The following C12orf42 variants were observed in gnomAD, a reference collection of about 807,000 sequenced individuals.
The protein encoded by C12orf42 is uncharacterized protein C12orf42.
C12orf42 carries 25 observed loss-of-function variants against 21.6 expected under a neutral mutation model. That is an observed-to-expected ratio of 1.16 (90% CI 0.84 to 1.62). C12orf42 has a LOEUF of 1.62. Ranked by LOEUF, C12orf42 falls within the 40% of genes most tolerant of loss-of-function variation. The probability of loss-of-function intolerance (pLI) is 0.00; values close to 1 mark genes in which losing one functional copy is unlikely to be tolerated. For synonymous variants in C12orf42, 174 were observed against 175.0 expected, an observed-to-expected ratio of 0.99 and a Z score of 0.05; for missense variants, 483 against 459.3, an observed-to-expected ratio of 1.05 and a Z score of -0.47.
the C12orf42 span, among the ~76,000 whole-genome samples, chr12:103,195,700 T>C: frequency 1.3e-5 from 2 of 152,152 alleles, no homozygotes; most frequent in Non-Finnish European, 2.9e-5. Context: ...CTGTCAGATG[T>C]ATGGTTTGCA....
the C12orf42 span, among the ~76,000 whole-genome samples, chr12:103,137,320 T>C: frequency 6.6e-6 from 1 of 150,684 alleles, no homozygotes. Flanking sequence ...CACAGCGAGA[T>C]ATCATCCCAT....
chr12:103,081,227 T>A, the C12orf42 span: 1 of 152,236 alleles, frequency 6.6e-6, no homozygotes, highest in Non-Finnish European at 1.5e-5. Context: ...CAAATGATAC[T>A]GATAGATGAA....
chr12:103,488,279 C>T (rs1954968095), intron 1 of C12orf42, among the ~76,000 whole-genome samples: 1 of 152,146 alleles, frequency 6.6e-6, no homozygotes, highest in Non-Finnish European at 1.5e-5. Context: ...AATATTGGCC[C>T]CCACTCTCTT....
the C12orf42 span, among the ~76,000 whole-genome samples, chr12:103,115,043 C>T: frequency 1.3e-5 from 2 of 152,224 alleles, no homozygotes; most frequent in Non-Finnish European, 2.9e-5. Context: ...CTGATAAAGT[C>T]TCAGAACTAA....
the C12orf42 span, among the ~76,000 whole-genome samples, chr12:103,207,515 C>T: frequency 1.3e-5 from 2 of 152,242 alleles, no homozygotes; most frequent in Non-Finnish European, 2.9e-5. Context: ...ACAGACATCA[C>T]TTCCAAGTTA....
At chr12:103,171,518 C>G in the C12orf42 span, among the ~76,000 whole-genome samples, 8 of 152,118 alleles carry the variant, frequency 5.3e-5, no homozygotes, top group South Asian at 2.1e-4. Context: ...TTGATTGGAT[C>G]TGAGAAATCA....
intron 10 of C12orf42, among the ~76,000 whole-genome samples, chr12:103,253,114 G>T (rs1837568608): frequency 1.3e-5 from 2 of 152,138 alleles, no homozygotes; most frequent in African/African-American, 4.8e-5. Context: ...TCAGATGGTT[G>T]TAGGTGTGTG....
the C12orf42 span, among the ~76,000 whole-genome samples, chr12:103,166,946 A>T: frequency 6.6e-6 from 1 of 151,988 alleles, no homozygotes; most frequent in Admixed American, 6.6e-5. Context: ...ATCTTTATCG[A>T]CTCTTCTAAA....
At chr12:103,206,527 C>A in the C12orf42 span, among the ~76,000 whole-genome samples, 1 of 151,582 alleles carries the variant, frequency 6.6e-6, no homozygotes, top group South Asian at 2.1e-4. Flanking sequence ...ATATTACACA[C>A]ACACACACAC....
chr12:103,384,846 T>C (rs1425127397), intron 3 of C12orf42, among the ~76,000 whole-genome samples: 1 of 152,168 alleles, frequency 6.6e-6, no homozygotes, highest in Non-Finnish European at 1.5e-5. Flanking sequence ...TGTAACACAC[T>C]GGGAAGAGTT....
chr12:103,076,146 T>C, the C12orf42 span, among the ~76,000 whole-genome samples: 2 of 152,094 alleles, frequency 1.3e-5, no homozygotes, highest in South Asian at 4.1e-4. Flanking sequence ...GATGGGTTGA[T>C]GGGTGCAGCA....
At chr12:103,048,812 C>T in the C12orf42 span, among the ~76,000 whole-genome samples, 18 of 152,198 alleles carry the variant, frequency 1.2e-4, no homozygotes, top group African/African-American at 3.6e-4. Context: ...AATTATATTG[C>T]GCCCTTATCC....
chr12:103,069,447 G>T, the C12orf42 span, among the ~76,000 whole-genome samples: 17 of 152,010 alleles, frequency 1.1e-4, no homozygotes, highest in African/African-American at 3.9e-4. Context: ...CCTTAAACAT[G>T]CTCAGAACAC....
At chr12:103,244,972 A>G (rs537649965) in intron 10 of C12orf42, among the ~76,000 whole-genome samples, 8 of 152,250 alleles carry the variant, frequency 5.3e-5, no homozygotes, top group African/African-American at 1.9e-4. Context: ...ATACTTAAAG[A>G]GTCAACAGAA....
chr12:103,262,240 G>A (rs1176475819), intron 10 of C12orf42: 2 of 152,148 alleles, frequency 1.3e-5, no homozygotes, highest in Non-Finnish European at 2.9e-5. Context: ...TATCCTAAGG[G>A]AACAGTCAGA....
the C12orf42 span, among the ~76,000 whole-genome samples, chr12:103,222,312 T>TG: frequency 1.5e-5 from 2 of 131,428 alleles, no homozygotes; most frequent in Non-Finnish European, 3.2e-5. Context: ...CGGGCAGGAG[T>TG]GGGGGGTTGC....
At chr12:103,402,974 G>A (rs932563291) in intron 2 of C12orf42, among the ~76,000 whole-genome samples, 1 of 152,132 alleles carries the variant, frequency 6.6e-6, no homozygotes, top group African/African-American at 2.4e-5. Context: ...GGGGCACATG[G>A]GACCCCCATT....
the C12orf42 span, among the ~76,000 whole-genome samples, chr12:103,510,485 C>T: frequency 6.6e-6 from 1 of 152,050 alleles, no homozygotes; most frequent in Non-Finnish European, 1.5e-5. Context: ...CAAATACAAC[C>T]TGTTCCCCAA....
At chr12:103,072,477 A>G in the C12orf42 span, among the ~76,000 whole-genome samples, 6 of 152,020 alleles carry the variant, frequency 3.9e-5, no homozygotes, top group Non-Finnish European at 8.8e-5. Context: ...GGCCACAAAT[A>G]TAAGAATTCC....
Sources: gnomAD v4.1 joint callset for allele counts (sites outside exome capture counted in the v4.1 genomes callset) on GRCh38, gnomAD v4.1.1 for gene constraint, MANE v1.5 for transcripts, NCBI Gene and HGNC (gene_info 2026-07-23, HGNC 2026-07-21) for gene names.